Variants in ABLIM1 observed in about 807,000 individuals in gnomAD.
The protein encoded by ABLIM1 is actin binding LIM protein 1.
ABLIM1 carries 40 observed loss-of-function variants against 107.0 expected under a neutral mutation model. The ratio of observed to expected loss-of-function variants is 0.37; its 90% CI spans 0.29 to 0.49. The LOEUF is 0.49. ABLIM1 is among the 20% of genes least tolerant of loss of function. The probability of loss-of-function intolerance (pLI) is 0.97; values close to 1 mark genes in which losing one functional copy is unlikely to be tolerated. For missense variants in ABLIM1, 857 were observed against 1,008.5 expected, an observed-to-expected ratio of 0.85 and a Z score of 2.04; for synonymous variants, 357 against 357.3, an observed-to-expected ratio of 1.00 and a Z score of 0.01.
At chr10:114,790,601 C>G in the ABLIM1 span, among the ~76,000 whole-genome samples, 1 of 152,174 alleles carries the variant, frequency 6.6e-6, no homozygotes, top group Non-Finnish European at 1.5e-5. Context: ...TAGGTGTGGA[C>G]CCTTCTGAGT....
chr10:114,728,697 T>C (rs924315937), intron 1 of ABLIM1, among the ~76,000 whole-genome samples: 18 of 151,954 alleles, frequency 1.2e-4, no homozygotes, highest in Admixed American at 3.3e-4. Context: ...TACATATATA[T>C]GTGAGAATAC....
intron 4 of ABLIM1, among the ~76,000 whole-genome samples, chr10:114,551,766 G>T (rs968129653): frequency 2.0e-5 from 3 of 152,174 alleles, no homozygotes; most frequent in African/African-American, 7.2e-5. Context: ...CTAGAATCAG[G>T]TACCACGTGA....
chr10:114,589,514 G>A (rs2074601940), intron 2 of ABLIM1, among the ~76,000 whole-genome samples: 1 of 150,702 alleles, frequency 6.6e-6, no homozygotes, highest in Admixed American at 6.6e-5. Flanking sequence ...GGGCAATAGA[G>A]TGAGACTCTG....
chr10:114,469,742 A>G (rs959857283), intron 10 of ABLIM1, among the ~76,000 whole-genome samples: 13 of 152,364 alleles, frequency 8.5e-5, no homozygotes, highest in African/African-American at 2.9e-4. Context: ...ACATATTCCC[A>G]GTGATGACAG....
At chr10:114,735,725 C>T (rs1461775446) in intron 1 of ABLIM1, among the ~76,000 whole-genome samples, 1 of 152,164 alleles carries the variant, frequency 6.6e-6, no homozygotes, top group African/African-American at 2.4e-5. Flanking sequence ...CCCTCGGCCT[C>T]CCACAGTGCT....
chr10:114,706,639 C>G (rs757373333), intron 1 of ABLIM1, among the ~76,000 whole-genome samples: 1 of 152,166 alleles, frequency 6.6e-6, no homozygotes, highest in African/African-American at 2.4e-5. Context: ...TGTAATGAAG[C>G]CTGAGGCTAA....
intron 1 of ABLIM1, among the ~76,000 whole-genome samples, chr10:114,673,264 A>C (rs952554566): frequency 4.0e-5 from 6 of 151,848 alleles, no homozygotes; most frequent in African/African-American, 9.7e-5. Context: ...GCTAAAAAAA[A>C]AAAAAACAAA....
chr10:114,789,936 G>A, the ABLIM1 span, among the ~76,000 whole-genome samples: 1 of 152,082 alleles, frequency 6.6e-6, no homozygotes, highest in Non-Finnish European at 1.5e-5. Flanking sequence ...GGATTTACAG[G>A]TGCATGCCAC....
chr10:114,460,709 A>G (rs2063711368), intron 12 of ABLIM1, among the ~76,000 whole-genome samples: 1 of 152,256 alleles, frequency 6.6e-6, no homozygotes, highest in Non-Finnish European at 1.5e-5. Context: ...TTCTTGATTT[A>G]TAGAGGAGTC....
At chr10:114,620,322 G>A (rs892571637) in intron 1 of ABLIM1, among the ~76,000 whole-genome samples, 1 of 152,290 alleles carries the variant, frequency 6.6e-6, no homozygotes, top group African/African-American at 2.4e-5. Context: ...CCTGGGGTAG[G>A]CATGGTGGAC....
rs78364992 is a variant in ABLIM1, at chr10:114,691,275, A to G, written c.-213+76786T>C. Among the ~76,000 whole-genome samples the G allele has an allele frequency of 9.4e-3, 1,434 of 152,308 alleles. 25 individuals carry two copies. Among genetic ancestry groups the G allele is most frequent in the African/African-American group, 0.033 (1,380 of 41,574 alleles). ...TTCTTCTTGTAGCTCTGCTGAAAGA[A>G]TACACGTGGATGCCAATTAATTAAT... is the stretch of plus-strand genomic sequence containing the variant. On this transcript the variant is annotated intron_variant, in intron 1 of 15. Transcript: ENST00000651092.
At chr10:114,468,146 C>A (rs200148290) in intron 11 of ABLIM1, 35 bp downstream of exon 11, 2 of 1,592,500 alleles carry the variant, frequency 1.3e-6, no homozygotes, top group East Asian at 4.5e-5. Flanking sequence ...TCTCAAATTC[C>A]ACCCATTAAA....
In ABLIM1 at chr10:114,749,450, C is replaced by CCACACACACACACACA. The variant is rs151201319; in HGVS notation, c.-213+18595_-213+18610dup. Among the ~76,000 whole-genome samples the CCACACACACACACACA allele has an allele frequency of 2.4e-3, 336 of 141,598 alleles. 1 individual carries two copies. The Middle Eastern group carries it at 0.026, about 11-fold the overall frequency. 92.9% of individuals were successfully genotyped at this position (141,598 alleles called of 152,430 possible). A position where few individuals can be genotyped will look rare whatever the true frequency, so the allele number is the denominator to read the frequency against. ...TTCACAAATTAAAACAACACACACA[C>CCACACACACACACACA]CACACACACACACACACACACACAC... On this transcript the variant is annotated intron_variant, in intron 1 of 15. Coordinates refer to the ABLIM1 transcript ENST00000651092.
At chr10:114,668,401 G>A (rs935719348) in intron 1 of ABLIM1, among the ~76,000 whole-genome samples, 1 of 152,188 alleles carries the variant, frequency 6.6e-6, no homozygotes, top group African/African-American at 2.4e-5. Context: ...GCCAAACTGA[G>A]GATGGGCACT....
rs930870792 is a variant in ABLIM1, at chr10:114,724,885, C to A, written c.-213+43176G>T. The stretch of plus-strand genomic sequence containing the variant: ...TCCTTGACCACACCAGGCAGAGCCA[C>A]CAGATGCCCAATGTCTGCCTTGCTT... On this transcript the variant is annotated intron_variant, in intron 1 of 15. Transcript: ENST00000651092. Among the ~76,000 whole-genome samples, 9 of 152,322 alleles carry A rather than the reference C, an allele frequency of 5.9e-5. No individual in the cohort carries two copies. The South Asian group carries it at 1.2e-3, about 21-fold the overall frequency.
intron 1 of ABLIM1, among the ~76,000 whole-genome samples, chr10:114,732,420 G>A (rs1480516437): frequency 1.3e-5 from 2 of 151,986 alleles, no homozygotes; most frequent in Non-Finnish European, 2.9e-5. Context: ...TAGGTTATCT[G>A]TGGGTTTTTT....
intron 12 of ABLIM1, 48 bp downstream of exon 12, chr10:114,465,650 G>A (rs1293859261): frequency 9.4e-6 from 15 of 1,592,364 alleles, no homozygotes; most frequent in Non-Finnish European, 1.2e-5. Flanking sequence ...AAAAATCACA[G>A]AAACATAGTT....
At chr10:114,562,295 C>T (rs12218378) in intron 4 of ABLIM1, among the ~76,000 whole-genome samples, 24,987 of 151,936 alleles carry the variant, frequency 0.16, 2,607 homozygotes, top group East Asian at 0.27. Flanking sequence ...TTTGGGAGGC[C>T]GAGGCAGGTG....
At chr10:114,726,875 CCCACCT>C (rs1566278291) in intron 1 of ABLIM1, among the ~76,000 whole-genome samples, 2 of 152,204 alleles carry the variant, frequency 1.3e-5, no homozygotes, top group Non-Finnish European at 2.9e-5. Context: ...CCCACCAGGC[CCCACCT>C]CCAACAATGG....
Sources: allele counts gnomAD v4.1 joint callset (sites outside exome capture counted in the v4.1 genomes callset), GRCh38; gene constraint gnomAD v4.1.1; transcripts MANE v1.5; gene names NCBI Gene and HGNC (gene_info 2026-07-23, HGNC 2026-07-21).